Variants in WRN observed in about 807,000 individuals in gnomAD.
WRN encodes the protein bifunctional 3'-5' exonuclease/ATP-dependent helicase WRN.
In WRN, 149 loss-of-function variants were observed where a neutral mutation model predicts 180.7. That is an observed-to-expected ratio of 0.82 (90% CI 0.72 to 0.94). WRN has a LOEUF of 0.94. WRN is among the 40% of genes least tolerant of loss of function. WRN has a pLI of 0.00. For synonymous variants in WRN, 548 were observed against 568.9 expected, an observed-to-expected ratio of 0.96 and a Z score of 0.52; for missense variants, 1,661 against 1,700.1, an observed-to-expected ratio of 0.98 and a Z score of 0.40.
intron 1 of WRN, among the ~76,000 whole-genome samples, chr8:31,037,334 G>A (rs1341129395): frequency 6.6e-6 from 1 of 152,192 alleles, no homozygotes; most frequent in Non-Finnish European, 1.5e-5. Context: ...CGTGAGGAAT[G>A]GGGAGCAGCT....
chr8:31,166,054 G>GTTTT (rs764976020), intron 33 of WRN, among the ~76,000 whole-genome samples: 23 of 151,908 alleles, frequency 1.5e-4, no homozygotes, highest in Non-Finnish European at 1.5e-4. Context: ...GTTTTGTTTT[G>GTTTT]TTTTTTGCTT....
intron 16 of WRN, among the ~76,000 whole-genome samples, chr8:31,092,660 A>G (rs138744042): frequency 6.1e-4 from 93 of 151,924 alleles, no homozygotes; most frequent in African/African-American, 2.1e-3. Flanking sequence ...ATATTTACTG[A>G]GTTTTGATAA....
chr8:31,042,998 T>G (rs1811715741), intron 1 of WRN, among the ~76,000 whole-genome samples: 1 of 152,198 alleles, frequency 6.6e-6, no homozygotes, highest in South Asian at 2.1e-4. Context: ...GTGTCTTCAG[T>G]TGCAAGTAAT....
At position 31,091,869 on chromosome 8, in the gene WRN, G is replaced by C. The variant is rs1813759561; in HGVS notation, c.1869G>C (p.Gln623His). Residue 623 changes from glutamine (Q) to histidine (H), a missense_variant, in exon 16 of 35, where the codon CAG (glutamine) becomes CAC (histidine). Transcript: ENST00000298139. ...CAGCTTGCTTCCTTGGATCAGCACA[G>C]TCAGAAAATGTTCTAACAGATATTA... is the stretch of plus-strand genomic sequence containing the variant. The part of the protein sequence containing the change: ...NIPACFLGSA[Q>H]SENVLTDIKL... 1.2e-6 allele frequency: 2 copies of C among 1,613,100 alleles called. No homozygotes were observed. The highest frequency in any genetic ancestry group is 2.7e-5 in the African/African-American group (2 of 74,966).
At chr8:31,171,379 A>C (rs1804096334) in intron 34 of WRN, 1 of 152,182 alleles carries the variant, frequency 6.6e-6, no homozygotes, top group African/African-American at 2.4e-5. Flanking sequence ...ACTTGATCAG[A>C]CACATCTCAA....
intron 23 of WRN, among the ~76,000 whole-genome samples, chr8:31,130,882 A>G (rs1802137096): frequency 6.6e-6 from 1 of 152,182 alleles, no homozygotes; most frequent in Non-Finnish European, 1.5e-5. Flanking sequence ...CAGCAAAATA[A>G]CATCCTGGAG....
intron 1 of WRN, among the ~76,000 whole-genome samples, chr8:31,056,570 G>T (rs1812283408): frequency 6.6e-6 from 1 of 152,146 alleles, no homozygotes; most frequent in Non-Finnish European, 1.5e-5. Context: ...ATTGCAGGTA[G>T]AACATTCTTT....
At chr8:31,066,227 C>A (rs1053079511) in intron 5 of WRN, among the ~76,000 whole-genome samples, 2 of 151,826 alleles carry the variant, frequency 1.3e-5, no homozygotes, top group Non-Finnish European at 2.9e-5. Flanking sequence ...GCTCTGTCGC[C>A]CAGGCTGGAG....
Position 31,080,868 on chromosome 8 carries a change from G to C in WRN, c.841G>C (p.Val281Leu). Residue 281 changes from valine (V) to leucine (L), a missense_variant and splice_region_variant, in exon 9 of 35, where the codon GTT (valine) becomes CTT (leucine). By Grantham distance (32) the Val-to-Leu change is conservative. Coordinates refer to ENST00000298139, the MANE Select transcript of WRN (RefSeq NM_000553.6). ...AFSKLENPRRVSILLKDISEN... is the reference protein window; with the variant it reads ...AFSKLENPRRLSILLKDISEN... The stretch of plus-strand genomic sequence containing the variant: ...AATCTTTCTTAATTTTTTTTTTAGG[G>C]TTTCTATCTTACTAAAGGATATTTC... The C allele has an allele frequency of 1.3e-6, 2 of 1,597,720 alleles. No individual in the cohort carries two copies. Among genetic ancestry groups the C allele is most frequent in the South Asian group, 1.1e-5 (1 of 87,768 alleles).
rs1374150454 is a variant in WRN at position 31,173,738 on chromosome 8, C to G, written c.*636C>G. ...TTCTATTATTTTTCAAGTAATAAAACAATGTTTTTCATACTGAATATTATA... is the reference window on the plus strand; with the variant it reads ...TTCTATTATTTTTCAAGTAATAAAAGAATGTTTTTCATACTGAATATTATA... On this transcript the variant is annotated 3_prime_UTR_variant, in exon 35 of 35. Transcript: ENST00000298139. 1 of 157,176 alleles carries G rather than the reference C, an allele frequency of 6.4e-6. No homozygotes were observed. Among genetic ancestry groups the G allele is most frequent in the African/African-American group, 2.4e-5 (1 of 41,630 alleles). 9.7% of individuals were successfully genotyped at this position (157,176 alleles called of 1,614,324 possible).
At chr8:31,110,195 T>C (rs1317225970) in intron 18 of WRN, among the ~76,000 whole-genome samples, 1 of 152,208 alleles carries the variant, frequency 6.6e-6, no homozygotes, top group Non-Finnish European at 1.5e-5. Flanking sequence ...TGTTAAAACC[T>C]GTGTGTTAAC....
intron 24 of WRN, among the ~76,000 whole-genome samples, chr8:31,138,616 A>G (rs931374128): frequency 3.3e-5 from 5 of 152,210 alleles, no homozygotes; most frequent in African/African-American, 1.2e-4. Flanking sequence ...GTTAGCACAG[A>G]CAGGACTTGT....
chr8:31,156,784 A>G (rs1466205582), intron 32 of WRN, among the ~76,000 whole-genome samples: 1 of 152,248 alleles, frequency 6.6e-6, no homozygotes, highest in Non-Finnish European at 1.5e-5. Flanking sequence ...AGCACTGTTC[A>G]TGTGAAGTTC....
chr8:31,098,064 T>TA (rs1475047346), intron 17 of WRN, among the ~76,000 whole-genome samples: 1 of 152,188 alleles, frequency 6.6e-6, no homozygotes, highest in Non-Finnish European at 1.5e-5. Context: ...TCTTTTTTAT[T>TA]ATGTGTTAAA....
chr8:31,125,534 G>GGA (rs1363969942), intron 23 of WRN, among the ~76,000 whole-genome samples: 13 of 23,226 alleles, frequency 5.6e-4, no homozygotes, highest in South Asian at 2.3e-3. Flanking sequence ...TTGATATTAT[G>GGA]GAGATATATA....
At chr8:31,074,568 C>T (rs1430427300) in intron 7 of WRN, among the ~76,000 whole-genome samples, 5 of 152,116 alleles carry the variant, frequency 3.3e-5, no homozygotes, top group Non-Finnish European at 7.3e-5. Flanking sequence ...AATTAACAGT[C>T]ATTGCTGAGG....
chr8:31,093,481 C>A (rs1813839982), intron 16 of WRN, among the ~76,000 whole-genome samples: 1 of 152,088 alleles, frequency 6.6e-6, no homozygotes, highest in Admixed American at 6.6e-5. Context: ...TTTGTTTTTA[C>A]ATTTTCTTAT....
chr8:31,035,849 C>G (rs547006537), intron 1 of WRN, among the ~76,000 whole-genome samples: 22 of 152,266 alleles, frequency 1.4e-4, no homozygotes, highest in African/African-American at 5.1e-4. Context: ...ACCTTTAGGA[C>G]TTTTTCATTA....
chr8:31,152,735 G>A (rs1040739797), intron 31 of WRN, among the ~76,000 whole-genome samples: 2 of 152,142 alleles, frequency 1.3e-5, no homozygotes, highest in East Asian at 1.9e-4. Flanking sequence ...ACTACTTAAG[G>A]CACTATCAGA....
Sources: gnomAD v4.1 joint callset for allele counts (sites outside exome capture counted in the v4.1 genomes callset) on GRCh38, gnomAD v4.1.1 for gene constraint, MANE v1.5 for transcripts, NCBI Gene and HGNC (gene_info 2026-07-23, HGNC 2026-07-21) for gene names.